Variants in GPC5 observed in about 807,000 individuals in gnomAD.
The protein encoded by GPC5 is glypican-5.
A neutral mutation model predicts 53.9 loss-of-function variants in GPC5; 47 were observed. The observed-to-expected ratio is 0.87, with a 90% confidence interval of 0.69 to 1.11. GPC5 has a LOEUF of 1.11. Among genes scored for constraint, GPC5 ranks in the 50% most tolerant of loss-of-function variants. The probability of loss-of-function intolerance (pLI) is 0.00; values close to 1 mark genes in which losing one functional copy is unlikely to be tolerated. For synonymous variants in GPC5, 286 were observed against 263.3 expected (o/e 1.09, Z -0.84); for missense variants, 748 against 713.1 (o/e 1.05, Z -0.56).
intron 7 of GPC5, 149 bp downstream of exon 7, chr13:92,145,138 GACAT>G: frequency 1.6e-6 from 1 of 611,520 alleles, no homozygotes; most frequent in Non-Finnish European, 2.4e-6. Context: ...GGTTTTTTAG[GACAT>G]ACATTCTTGG....
intron 6 of GPC5, among the ~76,000 whole-genome samples, chr13:92,097,968 T>C (rs774298802): frequency 6.6e-6 from 1 of 152,322 alleles, no homozygotes; most frequent in Non-Finnish European, 1.5e-5. Context: ...TTGACACCTT[T>C]AAGTCTTTTA....
At chr13:91,511,385 A>G (rs1885221611) in intron 2 of GPC5, among the ~76,000 whole-genome samples, 1 of 151,912 alleles carries the variant, frequency 6.6e-6, no homozygotes. Flanking sequence ...TATGGCTGAT[A>G]TTTTTGGCTC....
At chr13:92,312,726 G>A (rs898477443) in intron 7 of GPC5, among the ~76,000 whole-genome samples, 4 of 151,970 alleles carry the variant, frequency 2.6e-5, no homozygotes, top group African/African-American at 4.8e-5. Context: ...AAAAAGAATT[G>A]TCTGTGAGTG....
At chr13:91,569,019 G>T (rs970485122) in intron 2 of GPC5, among the ~76,000 whole-genome samples, 3 of 151,916 alleles carry the variant, frequency 2.0e-5, no homozygotes, top group African/African-American at 7.3e-5. Context: ...TCAAAGTGTC[G>T]GGATCAGAGG....
chr13:92,739,281 G>T (rs1014955508), intron 7 of GPC5, among the ~76,000 whole-genome samples: 1 of 152,080 alleles, frequency 6.6e-6, no homozygotes, highest in African/African-American at 2.4e-5. Context: ...AACAGAGCTA[G>T]AAATTTAAAG....
At chr13:91,926,734 AGT>A (rs1300082651) in intron 6 of GPC5, among the ~76,000 whole-genome samples, 1 of 152,210 alleles carries the variant, frequency 6.6e-6, no homozygotes, top group Non-Finnish European at 1.5e-5. Context: ...GATTGGGGAG[AGT>A]GTGAACAAAT....
intron 7 of GPC5, among the ~76,000 whole-genome samples, chr13:92,710,695 A>G (rs72641063): frequency 0.085 from 12,944 of 152,214 alleles, 637 homozygotes; most frequent in Admixed American, 0.14. Flanking sequence ...AGAGATGCTA[A>G]TTCAGCAAAC....
intron 7 of GPC5, among the ~76,000 whole-genome samples, chr13:92,305,517 T>C (rs1391346288): frequency 6.6e-6 from 1 of 152,098 alleles, no homozygotes; most frequent in African/African-American, 2.4e-5. Flanking sequence ...AGAGTTATTA[T>C]GGAAATTTCA....
chr13:91,495,828 G>A (rs1884223458), intron 2 of GPC5, among the ~76,000 whole-genome samples: 1 of 152,160 alleles, frequency 6.6e-6, no homozygotes, highest in East Asian at 1.9e-4. Context: ...TTAGAGACCA[G>A]CCTGACTAAC....
chr13:92,414,449 G>C (rs777563703), intron 7 of GPC5, among the ~76,000 whole-genome samples: 4 of 150,686 alleles, frequency 2.7e-5, no homozygotes, highest in Non-Finnish European at 4.4e-5. Context: ...AGGTTGCAGT[G>C]AGCCAAGATT....
chr13:92,535,930 TATTAA>T (rs1250492550), intron 7 of GPC5, among the ~76,000 whole-genome samples: 18 of 152,248 alleles, frequency 1.2e-4, no homozygotes, highest in African/African-American at 3.9e-4. Context: ...TCAAAATATG[TATTAA>T]ATTAAGATGC....
chr13:91,468,381 G>A (rs1882382965), intron 2 of GPC5, among the ~76,000 whole-genome samples: 1 of 152,020 alleles, frequency 6.6e-6, no homozygotes, highest in Admixed American at 6.6e-5. Flanking sequence ...AACCTTATTT[G>A]GCAATAAGGT....
intron 6 of GPC5, among the ~76,000 whole-genome samples, chr13:91,944,648 T>A (rs2039958719): frequency 1.3e-5 from 2 of 152,206 alleles, no homozygotes; most frequent in South Asian, 2.1e-4. Flanking sequence ...CTTAAATCTA[T>A]ATAAATCTAT....
chr13:91,841,498 C>T (rs1226345130), intron 5 of GPC5, among the ~76,000 whole-genome samples: 3 of 151,712 alleles, frequency 2.0e-5, no homozygotes, highest in Non-Finnish European at 2.9e-5. Flanking sequence ...AAGTAATATA[C>T]GTGCTAAATG....
chr13:91,751,484 A>G (rs556687345), intron 4 of GPC5, among the ~76,000 whole-genome samples: 1 of 152,326 alleles, frequency 6.6e-6, no homozygotes, highest in South Asian at 2.1e-4. Flanking sequence ...CCTGGGCTTT[A>G]GGACTCAGAA....
intron 7 of GPC5, among the ~76,000 whole-genome samples, chr13:92,566,575 C>A (rs1241190684): frequency 6.6e-6 from 1 of 152,030 alleles, no homozygotes. Context: ...CAGCCATTAG[C>A]AAATAAATGC....
intron 5 of GPC5, among the ~76,000 whole-genome samples, chr13:91,873,298 C>A (rs189452446): frequency 1.8e-4 from 27 of 152,236 alleles, no homozygotes; most frequent in African/African-American, 6.5e-4. Context: ...CTTAAAATTT[C>A]AACTCACCAA....
intron 7 of GPC5, among the ~76,000 whole-genome samples, chr13:92,477,909 C>A (rs1241745678): frequency 6.6e-6 from 1 of 152,058 alleles, no homozygotes; most frequent in Non-Finnish European, 1.5e-5. Flanking sequence ...GCTAAGTATT[C>A]AATGTACCTG....
At chr13:91,724,907 T>C (rs2036545451) in intron 3 of GPC5, among the ~76,000 whole-genome samples, 1 of 152,158 alleles carries the variant, frequency 6.6e-6, no homozygotes, top group South Asian at 2.1e-4. Context: ...GCTCCGCTTT[T>C]TGAGTCTAAT....
Sources: gnomAD v4.1 joint callset for allele counts (sites outside exome capture counted in the v4.1 genomes callset) on GRCh38, gnomAD v4.1.1 for gene constraint, MANE v1.5 for transcripts, NCBI Gene and HGNC (gene_info 2026-07-23, HGNC 2026-07-21) for gene names.